CFAP46: variants seen among roughly 807,000 people sequenced by gnomAD.
The protein encoded by CFAP46 is cilia and flagella associated protein 46, also known as cilia- and flagella-associated protein 46.
In CFAP46, 245 loss-of-function variants were observed where a neutral mutation model predicts 325.7. The ratio of observed to expected loss-of-function variants is 0.75; its 90% CI spans 0.68 to 0.84. The LOEUF (loss-of-function observed/expected upper bound fraction) is 0.84. CFAP46 is among the 40% of genes least tolerant of loss of function. The pLI, the probability that CFAP46 is intolerant of heterozygous loss-of-function variation, is 0.00. For missense variants in CFAP46, 3,346 were observed against 3,543.0 expected, an observed-to-expected ratio of 0.94 and a Z score of 1.41; for synonymous variants, 1,523 against 1,495.9, an observed-to-expected ratio of 1.02 and a Z score of -0.42.
intron 41 of CFAP46, 151 bp downstream of exon 41, chr10:132,850,093 C>G: frequency 1.3e-6 from 1 of 796,284 alleles, no homozygotes; most frequent in South Asian, 1.8e-5. Context: ...TTTGCCAGCC[C>G]CATTTCTTCC....
chr10:132,858,989 C>A, intron 38 of CFAP46, 82 bp downstream of exon 38: 1 of 1,434,808 alleles, frequency 7.0e-7, no homozygotes. Context: ...GTGAGCCAGG[C>A]CCAGAAGGCA....
chr10:132,915,698 G>A (rs148070631), intron 17 of CFAP46, among the ~76,000 whole-genome samples: 113 of 152,356 alleles, frequency 7.4e-4, no homozygotes, highest in African/African-American at 2.3e-3. Context: ...TACCACGTTC[G>A]TGTGCTTGAC....
rs558514368 is a variant in CFAP46, at chr10:132,905,520, G to A, written c.2924+2948C>T. 5.5e-5 allele frequency among the ~76,000 whole-genome samples: 8 copies of A among 144,866 alleles called. No individual in the cohort carries two copies. The South Asian group carries it at 1.1e-3, about 20-fold the overall frequency. On this transcript the variant is annotated intron_variant, in intron 22 of 57. Transcript: ENST00000368586. ...TATCCTCAAGAAACTTTCTAAAAAT[G>A]GTGTATGGGAAGTACACTCTCTGGG...
Position 132,850,304 on chromosome 10 carries a change from G to T in CFAP46, c.5892C>A (p.His1964Gln). 1.9e-6 allele frequency: 3 copies of T among 1,551,226 alleles called. No homozygotes were observed. The highest frequency in any genetic ancestry group is 2.6e-6 in the Non-Finnish European group (3 of 1,147,248). Residue 1964 changes from histidine to glutamine, a missense_variant, in exon 41 of 58, where the codon CAC (histidine) becomes CAA (glutamine). Physicochemically the swap from His to Gln is conservative, Grantham distance 24. Coordinates refer to ENST00000368586, the MANE Select transcript of CFAP46 (RefSeq NM_001200049.3). Reference sequence around the variant, plus strand: ...CAGGGTCAGCTTGCATGGCCAGCAGGTGCAGGGCCCTCCCGGCCAGGCCCA... The same window carrying T: ...CAGGGTCAGCTTGCATGGCCAGCAGTTGCAGGGCCCTCCCGGCCAGGCCCA... Reference protein sequence around the residue: ...RLLGLAGRALHLLAMQADPVH... With the variant: ...RLLGLAGRALQLLAMQADPVH...
chr10:132,940,611 G>C (rs978130535), intron 4 of CFAP46, among the ~76,000 whole-genome samples: 1 of 151,550 alleles, frequency 6.6e-6, no homozygotes, highest in African/African-American at 2.4e-5. Flanking sequence ...ACAGAGTCTC[G>C]CTGTCATCCA....
chr10:132,912,583 T>TTTCA, intron 19 of CFAP46, 72 bp downstream of exon 19: 3 of 1,296,696 alleles, frequency 2.3e-6, no homozygotes, highest in Admixed American at 2.7e-5. Context: ...ACCTCTCCTC[T>TTTCA]CCTCTCTCTC....
Position 132,899,596 on chromosome 10 carries a change from T to G in CFAP46, c.2995A>C (p.Asn999His), listed in dbSNP as rs1351571502. The change falls in exon 23 of 58, where the codon AAC (asparagine) becomes CAC (histidine). Residue 999 changes from asparagine to histidine, a missense_variant. Transcript: ENST00000368586. ...TAIQGRSIME[N>H]LKGRKQLRLV... ...CGCAGCTGCTTCCGGCCCTTCAGGT[T>G]TTCCATGATGCTCCTGCCCTGGATG... 2 of 1,550,036 alleles carry G rather than the reference T, an allele frequency of 1.3e-6. No homozygotes were observed. Among genetic ancestry groups the G allele is most frequent in the Non-Finnish European group, 1.7e-6 (2 of 1,146,970 alleles).
At chr10:132,905,290 A>G (rs1042566594) in intron 22 of CFAP46, among the ~76,000 whole-genome samples, 1 of 152,000 alleles carries the variant, frequency 6.6e-6, no homozygotes, top group Non-Finnish European at 1.5e-5. Flanking sequence ...AACTGTCCCC[A>G]TCCGTCCTAT....
intron 25 of CFAP46, among the ~76,000 whole-genome samples, chr10:132,890,767 C>T (rs1398627044): frequency 6.6e-6 from 1 of 152,186 alleles, no homozygotes; most frequent in African/African-American, 2.4e-5. Context: ...GCGTCGGGCT[C>T]ATGCCTGCAG....
At chr10:132,892,144 T>C (rs11597993) in intron 25 of CFAP46, among the ~76,000 whole-genome samples, 189 bp downstream of exon 25, 5,389 of 152,318 alleles carry the variant, frequency 0.035, 156 homozygotes, top group Non-Finnish European at 0.055. Flanking sequence ...GGGAATTTCA[T>C]GGGCTCATTC....
chr10:132,910,353 G>A (rs546228573), intron 19 of CFAP46, among the ~76,000 whole-genome samples: 17 of 152,300 alleles, frequency 1.1e-4, no homozygotes, highest in Non-Finnish European at 2.1e-4. Context: ...GGAAGGAGCA[G>A]CTGAGCCAGC....
In CFAP46 at chr10:132,891,151, G is replaced by A. The variant is rs567749586; in HGVS notation, c.3304+1182C>T. Among the ~76,000 whole-genome samples the A allele has an allele frequency of 2.0e-3, 309 of 152,298 alleles. 2 individuals carry two copies. The highest frequency in any genetic ancestry group is 2.6e-3 in the Non-Finnish European group (180 of 68,024). On this transcript the variant is annotated intron_variant, in intron 25 of 57. Transcript: ENST00000368586. ...GCACAGCCTAGAGGCCAGACTTCGCGGCAGCCACGACCAGGGGGACAGTGC... is the reference window on the plus strand; with the variant it reads ...GCACAGCCTAGAGGCCAGACTTCGCAGCAGCCACGACCAGGGGGACAGTGC...
At chr10:132,895,044 T>C (rs1170518028) in intron 24 of CFAP46, among the ~76,000 whole-genome samples, 1 of 152,078 alleles carries the variant, frequency 6.6e-6, no homozygotes, top group African/African-American at 2.4e-5. Context: ...TGAATACAGG[T>C]GCAAAAATCC....
At position 132,919,287 on chromosome 10, in the gene CFAP46, G is replaced by A; in HGVS notation, c.1858+28C>T. The A allele has an allele frequency of 6.5e-7, 1 of 1,541,912 alleles. No homozygotes were observed. Among genetic ancestry groups the A allele is most frequent in the Non-Finnish European group, 8.8e-7 (1 of 1,141,812 alleles). ...CCAGAGGGCGGCCGTGGCCAGGCTG[G>A]GACACACTCGTGAGGGCGGGTACGA... On this transcript the variant is annotated intron_variant, in intron 15 of 57. Transcript: ENST00000368586. This position sits in a 1 kb window ranked among gnomAD's most constrained non-coding sequence, Gnocchi z 9.7.
At chr10:132,909,085 G>A (rs1444146543) in intron 21 of CFAP46, 52 bp downstream of exon 21, 18 of 1,348,264 alleles carry the variant, frequency 1.3e-5, no homozygotes, top group South Asian at 1.1e-4. Context: ...CAAGAGCCTC[G>A]GCGTCCTCGC....
chr10:132,822,377 G>A (rs1258154189), intron 50 of CFAP46, among the ~76,000 whole-genome samples: 1 of 146,704 alleles, frequency 6.8e-6, no homozygotes, highest in African/African-American at 2.6e-5. Context: ...TGTGTGCTGT[G>A]TGTGTGCTGA....
At chr10:132,885,499 G>A (rs1011171146) in intron 26 of CFAP46, among the ~76,000 whole-genome samples, 8 of 152,170 alleles carry the variant, frequency 5.3e-5, no homozygotes, top group African/African-American at 1.9e-4. Context: ...CGCTCTCCCT[G>A]TGTTGAATTC....
At chr10:132,856,131 G>C (rs1456038859) in intron 39 of CFAP46, among the ~76,000 whole-genome samples, 1 of 152,130 alleles carries the variant, frequency 6.6e-6, no homozygotes, top group South Asian at 2.1e-4. Context: ...GTTTCCTCTC[G>C]GCCTTCACAG....
At chr10:132,848,460 C>G (rs1442986866) in intron 41 of CFAP46, among the ~76,000 whole-genome samples, 2 of 151,586 alleles carry the variant, frequency 1.3e-5, no homozygotes, top group African/African-American at 4.9e-5. Flanking sequence ...GAGAAGCCTT[C>G]GTTCTCCAGG....
Sources: allele counts gnomAD v4.1 joint callset (sites outside exome capture counted in the v4.1 genomes callset), GRCh38; gene constraint gnomAD v4.1.1; non-coding constraint Gnocchi (gnomAD v3.1); transcripts MANE v1.5; gene names NCBI Gene and HGNC (gene_info 2026-07-23, HGNC 2026-07-21).